The following ECH1 variants were observed in gnomAD, a reference collection of about 807,000 sequenced individuals.
The protein encoded by ECH1 is enoyl-CoA hydratase 1, also known as delta(3,5)-Delta(2,4)-dienoyl-CoA isomerase, mitochondrial.
In ECH1, 30 loss-of-function variants were observed where a neutral mutation model predicts 37.0. The observed-to-expected ratio is 0.81, with a 90% CI of 0.61 to 1.10. The LOEUF is 1.10. Among genes scored for constraint, ECH1 ranks in the 50% least tolerant of loss-of-function variants. ECH1 has a pLI of 0.00. For missense variants in ECH1, 456 were observed against 441.6 expected, an observed-to-expected ratio of 1.03 and a Z score of -0.29; for synonymous variants, 178 against 176.0, an observed-to-expected ratio of 1.01 and a Z score of -0.09.
chr19:38,815,684 C>A lies in ECH1; in HGVS notation c.916G>T (p.Asp306Tyr). 1 of 1,614,156 alleles carries A rather than the reference C, an allele frequency of 6.2e-7. No individual in the cohort carries two copies. Among genetic ancestry groups the A allele is most frequent in the Non-Finnish European group, 8.5e-7 (1 of 1,180,030 alleles). The change falls in exon 10 of 10, where the codon GAC becomes TAC. Residue 306 changes from aspartate to tyrosine, a missense_variant. Asp to Tyr is a radical substitution (Grantham distance 160). Coordinates refer to ENST00000221418, the MANE Select transcript of ECH1 (RefSeq NM_001398.3). ...SWNMSMLQTQDLVKSVQATTE... is the reference protein window; with the variant it reads ...SWNMSMLQTQYLVKSVQATTE... Reference sequence around the variant, plus strand: ...GTGGCCTGGACCGACTTCACGAGGTCTTGGGTCTGCAGCATGCTCATGTTC... The same window carrying A: ...GTGGCCTGGACCGACTTCACGAGGTATTGGGTCTGCAGCATGCTCATGTTC...
At chr19:38,817,214 T>G in intron 5 of ECH1, 85 bp from the exon 6 acceptor site, 3 of 1,548,922 alleles carry the variant, frequency 1.9e-6, no homozygotes, top group Non-Finnish European at 1.7e-6. Flanking sequence ...TGGGACACAG[T>G]CTGGCCCATG....
intron 3 of ECH1, among the ~76,000 whole-genome samples, chr19:38,829,742 G>A (rs1016263291): frequency 1.3e-5 from 2 of 150,998 alleles, no homozygotes; most frequent in Non-Finnish European, 2.9e-5. Flanking sequence ...CCTGAACCCG[G>A]GAGGCAGAGC....
chr19:38,829,633 C>T (rs1338191134), intron 3 of ECH1, among the ~76,000 whole-genome samples: 2 of 151,782 alleles, frequency 1.3e-5, no homozygotes, highest in Non-Finnish European at 2.9e-5. Context: ...CTGGCTAACA[C>T]GGTGAAACCC....
chr19:38,831,390 A>C lies in ECH1; in HGVS notation c.179T>G (p.Val60Gly). ...CAGAACATGTTTCTGCGCAGACGTCACACGAAGGGACTCATAGCTGTGGTC... is the reference window on the plus strand; with the variant it reads ...CAGAACATGTTTCTGCGCAGACGTCCCACGAAGGGACTCATAGCTGTGGTC... ...APDHSYESLR[V>G]TSAQKHVLHV... is the part of the protein sequence containing the mutation. The change falls in exon 2 of 10, where the codon GTG (valine) becomes GGG (glycine). Residue 60 changes from valine to glycine, a missense_variant. Transcript: ENST00000221418. 1 of 1,614,048 alleles carries C rather than the reference A, an allele frequency of 6.2e-7. No individual in the cohort carries two copies.
intron 3 of ECH1, among the ~76,000 whole-genome samples, chr19:38,821,661 A>T (rs1304014310): frequency 6.6e-6 from 1 of 152,194 alleles, no homozygotes; most frequent in Non-Finnish European, 1.5e-5. Flanking sequence ...CGGAGGGTAC[A>T]CCGGGTCCCC....
At chr19:38,831,029 T>C (rs1971811406) in intron 3 of ECH1, 49 bp downstream of exon 3, 1 of 1,545,542 alleles carries the variant, frequency 6.5e-7, no homozygotes. Flanking sequence ...CCACTGTCTA[T>C]TGCCAGGAGC....
At chr19:38,823,802 A>G (rs1971699987) in intron 3 of ECH1, among the ~76,000 whole-genome samples, 1 of 152,198 alleles carries the variant, frequency 6.6e-6, no homozygotes, top group Non-Finnish European at 1.5e-5. Context: ...AATGCCTGCC[A>G]GACAAACTTC....
At chr19:38,827,077 G>A (rs1040159982) in intron 3 of ECH1, among the ~76,000 whole-genome samples, 11 of 139,102 alleles carry the variant, frequency 7.9e-5, no homozygotes, top group Non-Finnish European at 1.7e-4. Context: ...AGGAGGAAGG[G>A]AGGAGAGGGA....
In ECH1 at chr19:38,831,465, C is replaced by T. The variant is rs756274893; in HGVS notation, c.104G>A (p.Gly35Asp). 6.2e-7 allele frequency: 1 copy of T among 1,614,088 alleles called. No homozygotes were observed. The highest frequency in any genetic ancestry group is 1.7e-5 in the Admixed American group (1 of 60,006). Residue 35 changes from glycine (G) to aspartate (D), a missense_variant, in exon 2 of 10, where the codon GGC (glycine) becomes GAC (aspartate). Gly to Asp is a moderately conservative substitution (Grantham distance 94, BLOSUM62 -1). Transcript: ENST00000221418. ...GGAAGCCTCCTCTTGTGCAGAGGAG[C>T]CAGTGAGGCGAAGGCTAATACTGAG... is the stretch of plus-strand genomic sequence containing the variant. ...PGLSISLRLT[G>D]SSAQEEASGV...
chr19:38,831,370 C>T lies in ECH1; in HGVS notation c.199G>A (p.Val67Ile), dbSNP rs1971820579. The change falls in exon 2 of 10, where the codon GTT becomes ATT. Residue 67 changes from valine (V) to isoleucine (I), a missense_variant. Coordinates refer to ENST00000221418, the MANE Select transcript of ECH1 (RefSeq NM_001398.3). ...GGCCGGTTGAGCTGGACATGCAGAA[C>T]ATGTTTCTGCGCAGACGTCACACGA... Reference protein sequence around the residue: ...SLRVTSAQKHVLHVQLNRPNK... With the variant: ...SLRVTSAQKHILHVQLNRPNK... 2 of 1,613,980 alleles carry T rather than the reference C, an allele frequency of 1.2e-6. No individual in the cohort carries two copies. Among genetic ancestry groups the T allele is most frequent in the African/African-American group, 1.3e-5 (1 of 75,014 alleles).
Position 38,815,594 on chromosome 19 carries a change from G to T in ECH1, c.*19C>A, listed in dbSNP as rs1348538766. On this transcript the variant is annotated 3_prime_UTR_variant, in exon 10 of 10. Transcript: ENST00000221418. The stretch of plus-strand genomic sequence containing the variant: ...GGACAAGGCCGGCCCCCTGGCTGGG[G>T]CCTGGGACGCGAGGGCTCTCAGAGC... 6.2e-7 allele frequency: 1 copy of T among 1,613,180 alleles called. No individual in the cohort carries two copies. Among genetic ancestry groups the T allele is most frequent in the Non-Finnish European group, 8.5e-7 (1 of 1,179,260 alleles).
chr19:38,817,396 C>G (rs1971594856), intron 4 of ECH1, 32 bp from the exon 5 acceptor site: 1 of 1,606,882 alleles, frequency 6.2e-7, no homozygotes, highest in East Asian at 2.2e-5. Context: ...GGGGTCAGGG[C>G]TGGCCCAGGG....
intron 3 of ECH1, chr19:38,818,478 C>CT (rs146936045): frequency 0.093 from 64,030 of 688,732 alleles, 2,776 homozygotes; most frequent in South Asian, 0.15. Context: ...GTCAGATCCT[C>CT]TTTTTTTTTA....
intron 3 of ECH1, among the ~76,000 whole-genome samples, chr19:38,822,647 C>T (rs1332423725): frequency 6.6e-6 from 1 of 152,232 alleles, no homozygotes; most frequent in Non-Finnish European, 1.5e-5. Context: ...CTGTGTCTAG[C>T]TAATCTAGTG....
chr19:38,822,503 T>C (rs908954859), intron 3 of ECH1, among the ~76,000 whole-genome samples: 2 of 151,726 alleles, frequency 1.3e-5, no homozygotes, highest in African/African-American at 4.8e-5. Flanking sequence ...TGGTGGGGAC[T>C]TGGAGAATCT....
intron 3 of ECH1, among the ~76,000 whole-genome samples, chr19:38,825,844 C>T (rs887390613): frequency 2.0e-5 from 3 of 152,198 alleles, no homozygotes; most frequent in Non-Finnish European, 4.4e-5. Flanking sequence ...CCCCAGCGGA[C>T]GAAGGTTCCC....
In ECH1 at chr19:38,815,963, G is replaced by C; in HGVS notation, c.776C>G (p.Ala259Gly). 6.2e-7 allele frequency: 1 copy of C among 1,614,060 alleles called. No homozygotes were observed. ...CTTGCTGGAAATCTCGGCCGCCAGC[G>C]CTAAGGCAGCATCCAGCATGACCTC... ...DKEVMLDAAL[A>G]LAAEISSKSP... Residue 259 changes from alanine (A) to glycine (G), a missense_variant, in exon 9 of 10, where the codon GCG (alanine) becomes GGG (glycine). Coordinates refer to ENST00000221418, the MANE Select transcript of ECH1 (RefSeq NM_001398.3).
chr19:38,818,219 A>T (rs1040560247), intron 3 of ECH1: 3 of 985,348 alleles, frequency 3.0e-6, no homozygotes, highest in Non-Finnish European at 3.6e-6. Context: ...CTTTTCCCCA[A>T]GATGCCAGAC....
At chr19:38,825,066 G>A (rs1251189989) in intron 3 of ECH1, among the ~76,000 whole-genome samples, 1 of 152,234 alleles carries the variant, frequency 6.6e-6, no homozygotes, top group Non-Finnish European at 1.5e-5. Flanking sequence ...CTCGCTTGGA[G>A]AGATGTCATG....
Sources: gnomAD v4.1 joint callset for allele counts (sites outside exome capture counted in the v4.1 genomes callset) on GRCh38, gnomAD v4.1.1 for gene constraint, MANE v1.5 for transcripts, NCBI Gene and HGNC (gene_info 2026-07-23, HGNC 2026-07-21) for gene names.